The following CSMD1 variants were observed in gnomAD, a reference collection of about 807,000 sequenced individuals.
CSMD1 encodes the protein CUB and sushi domain-containing protein 1.
CSMD1 carries 213 observed loss-of-function variants against 417.5 expected under a neutral mutation model. The observed-to-expected ratio is 0.51, with a 90% CI of 0.46 to 0.57. CSMD1 has a LOEUF of 0.57. CSMD1 is among the 20% of genes least tolerant of loss of function. The probability of loss-of-function intolerance (pLI) is 0.00; values close to 1 mark genes in which losing one functional copy is unlikely to be tolerated. For synonymous variants in CSMD1, 2,862 were observed against 1,736.8 expected, an observed-to-expected ratio of 1.65 and a Z score of -16.11; for missense variants, 6,923 against 4,529.7, an observed-to-expected ratio of 1.53 and a Z score of -15.17.
chr8:4,276,269 A>T (rs1796480285), intron 3 of CSMD1, among the ~76,000 whole-genome samples: 1 of 152,226 alleles, frequency 6.6e-6, no homozygotes, highest in South Asian at 2.1e-4. Context: ...TGTGGCACAT[A>T]TACACCACGG....
intron 6 of CSMD1, among the ~76,000 whole-genome samples, chr8:3,731,295 CACAA>C (rs1416920460): frequency 1.3e-5 from 2 of 152,326 alleles, no homozygotes; most frequent in South Asian, 2.1e-4. Flanking sequence ...GATGCATCTC[CACAA>C]ACAGAGTCTC....
At chr8:3,696,026 T>C (rs1445882815) in intron 7 of CSMD1, among the ~76,000 whole-genome samples, 3 of 152,320 alleles carry the variant, frequency 2.0e-5, no homozygotes, top group Admixed American at 6.5e-5. Flanking sequence ...CTACCATTTG[T>C]ATATTTGCAC....
intron 12 of CSMD1, among the ~76,000 whole-genome samples, chr8:3,442,086 AC>A (rs1271589874): frequency 6.6e-6 from 1 of 151,960 alleles, no homozygotes; most frequent in Non-Finnish European, 1.5e-5. Context: ...AAAAAAAAAT[AC>A]AAAATTAAAA....
In CSMD1 at chr8:3,406,239, A is replaced by G; in HGVS notation, c.2072-18T>C. 9 of 1,552,450 alleles carry G rather than the reference A, an allele frequency of 5.8e-6. No homozygotes were observed. The highest frequency in any genetic ancestry group is 7.8e-6 in the Non-Finnish European group (9 of 1,149,664). On this transcript the variant is annotated intron_variant, in intron 14 of 69. Coordinates refer to ENST00000635120, the MANE Select transcript of CSMD1 (RefSeq NM_033225.6). ...ACCAAATGCTGAAAGAAAAAGAAGA[A>G]GAAAAAAGGAATAAAAATACTTGAG...
intron 3 of CSMD1, among the ~76,000 whole-genome samples, chr8:4,166,250 T>C (rs1214030550): frequency 1.3e-5 from 2 of 152,228 alleles, no homozygotes; most frequent in Non-Finnish European, 2.9e-5. Context: ...ATCATATCAA[T>C]ATGCATTTGA....
At chr8:3,451,319 A>G (rs1307105715) in intron 12 of CSMD1, among the ~76,000 whole-genome samples, 1 of 152,152 alleles carries the variant, frequency 6.6e-6, no homozygotes, top group East Asian at 1.9e-4. Flanking sequence ...CTTTAGTTTA[A>G]TTAGATCCCA....
chr8:4,540,763 T>C (rs1585224562), intron 2 of CSMD1, among the ~76,000 whole-genome samples: 1 of 152,098 alleles, frequency 6.6e-6, no homozygotes, highest in Admixed American at 6.6e-5. Context: ...CCACTTACCT[T>C]AATCATCCCG....
At chr8:3,681,538 G>A (rs1221367705) in intron 7 of CSMD1, among the ~76,000 whole-genome samples, 1 of 152,172 alleles carries the variant, frequency 6.6e-6, no homozygotes, top group Non-Finnish European at 1.5e-5. Context: ...TGAAATAAAA[G>A]AGGATACAAA....
At chr8:4,488,774 C>T (rs780373842) in intron 2 of CSMD1, among the ~76,000 whole-genome samples, 4 of 152,006 alleles carry the variant, frequency 2.6e-5, no homozygotes, top group Non-Finnish European at 4.4e-5. Flanking sequence ...CCGCGTCCTG[C>T]GTATCCAAAA....
chr8:3,307,686 A>C lies in CSMD1; in HGVS notation c.3950+9T>G, dbSNP rs892171095. On this transcript the variant is annotated intron_variant, in intron 25 of 69. Coordinates refer to ENST00000635120, the MANE Select transcript of CSMD1 (RefSeq NM_033225.6). The stretch of plus-strand genomic sequence containing the variant: ...TCTCAAATCACTGAAACCAAAATAA[A>C]ACAAGTACCTAATGGTCTTTCCTGG... 1 of 1,612,166 alleles carries C rather than the reference A, an allele frequency of 6.2e-7. No homozygotes were observed. The highest frequency in any genetic ancestry group is 2.2e-5 in the East Asian group (1 of 44,846).
rs868701534 is a variant in CSMD1, at chr8:4,665,734, A to C, written c.86-28176T>G. On this transcript the variant is annotated intron_variant, in intron 1 of 69. Coordinates refer to ENST00000635120, the MANE Select transcript of CSMD1 (RefSeq NM_033225.6). Reference sequence around the variant, plus strand: ...TTCTGAGTAGTGCTCTATGGTATGAATATTAAACAATGTGGTTACCATTTG... The same window carrying C: ...TTCTGAGTAGTGCTCTATGGTATGACTATTAAACAATGTGGTTACCATTTG... 2.6e-5 allele frequency among the ~76,000 whole-genome samples: 4 copies of C among 152,200 alleles called. No homozygotes were observed. The South Asian group carries it at 6.2e-4, about 24-fold the overall frequency.
intron 3 of CSMD1, among the ~76,000 whole-genome samples, chr8:4,176,162 T>C (rs947053482): frequency 1.3e-5 from 2 of 152,060 alleles, no homozygotes; most frequent in African/African-American, 2.4e-5. Context: ...AGAGACTCTA[T>C]GTCTTGATCA....
In CSMD1 at chr8:4,148,166, G is replaced by T. The variant is rs577042348; in HGVS notation, c.416-116067C>A. On this transcript the variant is annotated intron_variant, in intron 3 of 69. Coordinates refer to ENST00000635120, the MANE Select transcript of CSMD1 (RefSeq NM_033225.6). Reference sequence around the variant, plus strand: ...CAACTTAGAGTCAATAACAGCTCCTGCCTAAGTCAGCTGGGACCACTATAA... The same window carrying T: ...CAACTTAGAGTCAATAACAGCTCCTTCCTAAGTCAGCTGGGACCACTATAA... 3.9e-5 allele frequency among the ~76,000 whole-genome samples: 6 copies of T among 152,234 alleles called. No homozygotes were observed. In the South Asian group the frequency reaches 1.0e-3, roughly 26 times the overall value.
intron 3 of CSMD1, among the ~76,000 whole-genome samples, chr8:4,169,146 C>G (rs1797622611): frequency 6.6e-6 from 1 of 152,166 alleles, no homozygotes; most frequent in Non-Finnish European, 1.5e-5. Context: ...TGATGCCCAG[C>G]TTAATGGTGT....
At chr8:4,046,274 G>C (rs4875264) in intron 3 of CSMD1, among the ~76,000 whole-genome samples, 1 of 151,900 alleles carries the variant, frequency 6.6e-6, no homozygotes, top group Non-Finnish European at 1.5e-5. Context: ...TTGAATTCTT[G>C]GCTGTTTCTC....
In CSMD1 at chr8:4,847,268, T is replaced by G. The variant is rs372054626; in HGVS notation, c.85+147064A>C. 1.1e-4 allele frequency among the ~76,000 whole-genome samples: 16 copies of G among 152,368 alleles called. No homozygotes were observed. In the East Asian group the frequency reaches 2.3e-3, roughly 22 times the overall value. On this transcript the variant is annotated intron_variant, in intron 1 of 69. Transcript: ENST00000635120. ...ATGATGCATTATATCTTTAGCACTT[T>G]AGAATCTCAAAGAAGATTTTAAGAG... is the stretch of plus-strand genomic sequence containing the variant.
chr8:4,813,297 C>T (rs1646458433), intron 1 of CSMD1, among the ~76,000 whole-genome samples: 1 of 151,912 alleles, frequency 6.6e-6, no homozygotes, highest in African/African-American at 2.4e-5. Context: ...CAAATCACTC[C>T]CCCCACAGAG....
At chr8:3,056,358 G>C (rs1406339727) in intron 49 of CSMD1, among the ~76,000 whole-genome samples, 2 of 152,164 alleles carry the variant, frequency 1.3e-5, no homozygotes, top group Admixed American at 1.3e-4. Flanking sequence ...GGCTTAAAAC[G>C]TTTCTCTGTT....
intron 3 of CSMD1, among the ~76,000 whole-genome samples, chr8:4,099,767 C>G (rs910924981): frequency 6.6e-6 from 1 of 152,186 alleles, no homozygotes; most frequent in East Asian, 1.9e-4. Context: ...GAGTTAATCT[C>G]CCAGCCACTT....
Sources: allele counts gnomAD v4.1 joint callset (sites outside exome capture counted in the v4.1 genomes callset), GRCh38; gene constraint gnomAD v4.1.1; transcripts MANE v1.5; gene names NCBI Gene and HGNC (gene_info 2026-07-23, HGNC 2026-07-21).